Variants in SPATA31E1 observed in about 807,000 individuals in gnomAD.
SPATA31E1 encodes SPATA31 subfamily E member 1, also known as spermatogenesis-associated protein 31E1.
Under a neutral mutation model 12.9 loss-of-function variants are expected in SPATA31E1, and 7 were observed. The ratio of observed to expected loss-of-function variants is 0.54; its 90% CI spans 0.31 to 1.02. SPATA31E1 has a LOEUF of 1.02. Ranked by LOEUF, SPATA31E1 falls within the 50% of genes least tolerant of loss-of-function variation. The probability of loss-of-function intolerance (pLI) is 0.05; values close to 1 mark genes in which losing one functional copy is unlikely to be tolerated. For synonymous variants in SPATA31E1, 771 were observed against 719.0 expected (o/e 1.07, Z -1.16); for missense variants, 1,961 against 1,799.8 (o/e 1.09, Z -1.62).
At position 87,888,485 on chromosome 9, in the gene SPATA31E1, T is replaced by C; in HGVS notation, c.3998T>C (p.Leu1333Pro). 3 of 1,614,134 alleles carry C rather than the reference T, an allele frequency of 1.9e-6. No homozygotes were observed. The highest frequency in any genetic ancestry group is 2.5e-6 in the Non-Finnish European group (3 of 1,180,024). Reference protein sequence around the residue: ...VGQILVDKLGLQWGRGPSEVN... With the variant: ...VGQILVDKLGPQWGRGPSEVN... ...CAAATCCTGGTGGACAAACTGGGGCTTCAGTGGGGACGAGGTCCCTCAGAG... is the reference window on the plus strand; with the variant it reads ...CAAATCCTGGTGGACAAACTGGGGCCTCAGTGGGGACGAGGTCCCTCAGAG... The change falls in exon 4 of 4, where the codon CTT becomes CCT. Residue 1333 changes from leucine to proline, a missense_variant. Physicochemically the swap from Leu to Pro is moderately conservative, Grantham distance 98. Transcript: ENST00000325643.
In SPATA31E1 at chr9:87,886,345, A is replaced by C; in HGVS notation, c.1858A>C (p.Thr620Pro). The C allele has an allele frequency of 6.2e-7, 1 of 1,613,516 alleles. No individual in the cohort carries two copies. The highest frequency in any genetic ancestry group is 8.5e-7 in the Non-Finnish European group (1 of 1,179,874). ...KSAPILPGVVTSPELPEHWWQ... is the reference protein window; with the variant it reads ...KSAPILPGVVPSPELPEHWWQ... ...AGCCCCCATCCTTCCCGGGGTTGTC[A>C]CCAGCCCTGAGCTCCCAGAGCACTG... Residue 620 changes from threonine to proline, a missense_variant, in exon 4 of 4, where the codon ACC (threonine) becomes CCC (proline). Thr to Pro is a conservative substitution (Grantham distance 38, BLOSUM62 -1). Transcript: ENST00000325643.
At position 87,885,768 on chromosome 9, in the gene SPATA31E1, C is replaced by G; in HGVS notation, c.1281C>G (p.Thr427=). 1 of 1,614,012 alleles carries G rather than the reference C, an allele frequency of 6.2e-7. No homozygotes were observed. The highest frequency in any genetic ancestry group is 8.5e-7 in the Non-Finnish European group (1 of 1,180,034). ...CTCAGCAAGTCTCTGATGCCACAAC[C>G]GTGGGGAACCACTTACAGCAGAAAC... ...PRPQQVSDAT[T]VGNHLQQKRS... Residue 427 remains threonine, a synonymous_variant, in exon 4 of 4, where the codon ACC becomes ACG. Transcript: ENST00000325643.
chr9:87,888,630 C>A lies in SPATA31E1; in HGVS notation c.4143C>A (p.Ala1381=). ...EMRALACSPK[A]TPKGHHCPVK... ...GAGCTCTGGCCTGCAGCCCTAAAGC[C>A]ACCCCCAAGGGCCACCACTGTCCTG... Residue 1381 remains alanine (A), a synonymous_variant, in exon 4 of 4, where the codon GCC becomes GCA. Transcript: ENST00000325643. The A allele has an allele frequency of 6.2e-7, 1 of 1,614,090 alleles. No individual in the cohort carries two copies. The highest frequency in any genetic ancestry group is 8.5e-7 in the Non-Finnish European group (1 of 1,180,022).
In SPATA31E1 at chr9:87,888,874, C is replaced by G; in HGVS notation, c.*49C>G. ...CTCCTGGGGGAGACAGGGGGTTCTA[C>G]TCAAATAAAACTGATGCCTACACAA... On this transcript the variant is annotated 3_prime_UTR_variant, in exon 4 of 4. Transcript: ENST00000325643. 6.6e-7 allele frequency: 1 copy of G among 1,504,110 alleles called. No individual in the cohort carries two copies. Among genetic ancestry groups the G allele is most frequent in the Non-Finnish European group, 8.8e-7 (1 of 1,130,688 alleles). 93.2% of individuals were successfully genotyped at this position (1,504,110 alleles called of 1,614,324 possible). A position where few individuals can be genotyped will look rare whatever the true frequency, so the allele number is the denominator to read the frequency against.
At position 87,883,900 on chromosome 9, in the gene SPATA31E1, C is replaced by T. The variant is rs564957200; in HGVS notation, c.310-92C>T. The T allele has an allele frequency of 5.4e-5, 76 of 1,395,720 alleles. No individual in the cohort carries two copies. The African/African-American group carries it at 6.3e-4, about 12-fold the overall frequency. 86.5% of individuals were successfully genotyped at this position (1,395,720 alleles called of 1,614,324 possible). ...GCTCCCTGAGCTAGAGGCTGAGAGCCGTGTCCCTCATGAGCACTGCGTGTG... is the reference window on the plus strand; with the variant it reads ...GCTCCCTGAGCTAGAGGCTGAGAGCTGTGTCCCTCATGAGCACTGCGTGTG... On this transcript the variant is annotated intron_variant, in intron 1 of 3. Transcript: ENST00000325643.
rs1828238402 is a variant in SPATA31E1 at position 87,884,967 on chromosome 9, C to A, written c.480C>A (p.Asp160Glu). The A allele has an allele frequency of 6.8e-6, 11 of 1,613,966 alleles. No individual in the cohort carries two copies. In the East Asian group the frequency reaches 8.9e-5, roughly 13 times the overall value. Residue 160 changes from aspartate to glutamate, a missense_variant, in exon 4 of 4, where the codon GAC (aspartate) becomes GAA (glutamate). Physicochemically the swap from Asp to Glu is conservative, Grantham distance 45. Transcript: ENST00000325643. ...GCTCCCACCTGCCCTTAGGTGGAGA[C>A]CCCCTGGGGGACGTGTGTAAACCAG... ...EGSSHLPLGG[D>E]PLGDVCKPVP...
In SPATA31E1 at chr9:87,886,019, C is replaced by T; in HGVS notation, c.1532C>T (p.Pro511Leu). The change falls in exon 4 of 4, where the codon CCC becomes CTC. Residue 511 changes from proline (P) to leucine (L), a missense_variant. Coordinates refer to ENST00000325643, the MANE Select transcript of SPATA31E1 (RefSeq NM_178828.5). ...AQPQHFTPAW[P>L]QSQPPPLAEI... is the part of the protein sequence containing the mutation. ...CCCCAACATTTCACTCCAGCCTGGC[C>T]CCAGTCCCAGCCCCCACCTTTGGCT... 1 of 1,613,042 alleles carries T rather than the reference C, an allele frequency of 6.2e-7. No individual in the cohort carries two copies. The highest frequency in any genetic ancestry group is 8.5e-7 in the Non-Finnish European group (1 of 1,179,582).
At position 87,886,908 on chromosome 9, in the gene SPATA31E1, G is replaced by A. The variant is rs2117887534; in HGVS notation, c.2421G>A (p.Lys807=). ...CTGACACCCACAGGAAACCTGGGAAGCTGGCATCCTGGAGGGGTGGGAAAG... is the reference window on the plus strand; with the variant it reads ...CTGACACCCACAGGAAACCTGGGAAACTGGCATCCTGGAGGGGTGGGAAAG... The part of the protein sequence containing the change: ...PKSDTHRKPG[K]LASWRGGKAH... Residue 807 remains lysine (K), a synonymous_variant, in exon 4 of 4, where the codon AAG becomes AAA. Transcript: ENST00000325643. The A allele has an allele frequency of 6.2e-7, 1 of 1,614,110 alleles. No individual in the cohort carries two copies. Among genetic ancestry groups the A allele is most frequent in the Non-Finnish European group, 8.5e-7 (1 of 1,180,006 alleles).
At position 87,883,071 on chromosome 9, in the gene SPATA31E1, C is replaced by CT. The variant is rs751170770; in HGVS notation, c.181dup (p.Ser61PhefsTer29). ...CTAGTGCCACATGGCTGAGCCCTAGCTCCACTCCCTGGATGATGGATTTCA... is the reference window on the plus strand; with the variant it reads ...CTAGTGCCACATGGCTGAGCCCTAGCTTCCACTCCCTGGATGATGGATTTCA... On this transcript the variant is annotated frameshift_variant, in exon 1 of 4. Transcript: ENST00000325643. LOFTEE classifies it high-confidence loss of function. 6.2e-7 allele frequency: 1 copy of CT among 1,612,888 alleles called. No homozygotes were observed. The highest frequency in any genetic ancestry group is 8.5e-7 in the Non-Finnish European group (1 of 1,179,618).
chr9:87,886,381 A>G lies in SPATA31E1; in HGVS notation c.1894A>G (p.Arg632Gly). ...PELPEHWWQG[R>G]NAIHQEQSCG... is the part of the protein sequence containing the mutation. The stretch of plus-strand genomic sequence containing the variant: ...GCTCCCAGAGCACTGGTGGCAAGGA[A>G]GGAATGCCATCCACCAGGAGCAGTC... Residue 632 changes from arginine (R) to glycine (G), a missense_variant, in exon 4 of 4, where the codon AGG becomes GGG. Physicochemically the swap from Arg to Gly is moderately radical, Grantham distance 125 (BLOSUM62 -2). Transcript: ENST00000325643. 1 of 1,613,498 alleles carries G rather than the reference A, an allele frequency of 6.2e-7. No homozygotes were observed.
Position 87,886,388 on chromosome 9 carries a change from C to T in SPATA31E1, c.1901C>T (p.Ala634Val), listed in dbSNP as rs1163050450. 4 of 1,613,476 alleles carry T rather than the reference C, an allele frequency of 2.5e-6. No homozygotes were observed. In the East Asian group the frequency reaches 6.7e-5, roughly 27 times the overall value. ...LPEHWWQGRN[A>V]IHQEQSCGPP... ...GAGCACTGGTGGCAAGGAAGGAATG[C>T]CATCCACCAGGAGCAGTCCTGTGGC... is the stretch of plus-strand genomic sequence containing the variant. The change falls in exon 4 of 4, where the codon GCC becomes GTC. Residue 634 changes from alanine (A) to valine (V), a missense_variant. Ala to Val is a moderately conservative substitution (Grantham distance 64). Transcript: ENST00000325643.
Position 87,888,655 on chromosome 9 carries a change from G to T in SPATA31E1, c.4168G>T (p.Val1390Phe), listed in dbSNP as rs1463593723. Residue 1390 changes from valine to phenylalanine, a missense_variant, in exon 4 of 4, where the codon GTC becomes TTC. Transcript: ENST00000325643. ...CACCCCCAAGGGCCACCACTGTCCTGTCAAAAACAGGGGCATCAGAGACAG... is the reference window on the plus strand; with the variant it reads ...CACCCCCAAGGGCCACCACTGTCCTTTCAAAAACAGGGGCATCAGAGACAG... ...KATPKGHHCPVKNRGIRDRDS... is the reference protein window; with the variant it reads ...KATPKGHHCPFKNRGIRDRDS... 1 of 1,614,052 alleles carries T rather than the reference G, an allele frequency of 6.2e-7. No individual in the cohort carries two copies. Among genetic ancestry groups the T allele is most frequent in the East Asian group, 2.2e-5 (1 of 44,860 alleles).
At position 87,885,423 on chromosome 9, in the gene SPATA31E1, TGCCACCACCTGGGG is replaced by T. The variant is rs773929398; in HGVS notation, c.937_950del (p.Ala313ProfsTer43). 3 of 1,613,876 alleles carry T rather than the reference TGCCACCACCTGGGG, an allele frequency of 1.9e-6. No individual in the cohort carries two copies. The highest frequency in any genetic ancestry group is 2.5e-6 in the Non-Finnish European group (3 of 1,179,978). ...GGGACCTCTATTGCTGGAGGGAGGC[TGCCACCACCTGGGG>T]CCTCTCCACCTACTCACATGGCAAA... On this transcript the variant is annotated frameshift_variant, in exon 4 of 4. Coordinates refer to ENST00000325643, the MANE Select transcript of SPATA31E1 (RefSeq NM_178828.5). LOFTEE classifies it low-confidence loss of function (END_TRUNC).
rs1828336823 is a variant in SPATA31E1 at position 87,888,801 on chromosome 9, T to C, written c.4314T>C (p.Ser1438=). 6.2e-7 allele frequency: 1 copy of C among 1,607,966 alleles called. No individual in the cohort carries two copies. Among genetic ancestry groups the C allele is most frequent in the African/African-American group, 1.3e-5 (1 of 74,838 alleles). The change falls in exon 4 of 4, where the codon TCT becomes TCC. Residue 1438 remains serine (S), a synonymous_variant. Transcript: ENST00000325643. The stretch of plus-strand genomic sequence containing the variant: ...ATCCACAGCTGCAGGAACTGATGTC[T>C]GCACAGAGGTGTCTTGCCTCCTGAA... ...GPHPQLQELM[S]AQRCLAS is the part of the protein sequence containing the mutation.
Position 87,886,435 on chromosome 9 carries a change from TC to T in SPATA31E1, c.1949del (p.Ser650LeufsTer59). 1.2e-6 allele frequency: 2 copies of T among 1,613,938 alleles called. No individual in the cohort carries two copies. Among genetic ancestry groups the T allele is most frequent in the Non-Finnish European group, 1.7e-6 (2 of 1,179,978 alleles). On this transcript the variant is annotated frameshift_variant, in exon 4 of 4. Transcript: ENST00000325643. LOFTEE classifies it low-confidence loss of function (END_TRUNC). ...SCGPPSRLQA[S>X]GDLLQPDGEF... ...TGGCCCTCCCAGCAGATTGCAGGCA[TC>T]TGGGGACCTGCTACAGCCTGATGGG...
chr9:87,884,830 C>G (rs71510235), intron 3 of SPATA31E1, 83 bp from the exon 4 acceptor site: 36,480 of 1,493,154 alleles, frequency 0.024, 874 homozygotes, highest in African/African-American at 0.092. Context: ...GGTGGAGGAA[C>G]CGGGGGCCCC....
chr9:87,884,976 G>T lies in SPATA31E1; in HGVS notation c.489G>T (p.Gly163=). The change falls in exon 4 of 4, where the codon GGG becomes GGT. Residue 163 remains glycine, a synonymous_variant. Coordinates refer to ENST00000325643, the MANE Select transcript of SPATA31E1 (RefSeq NM_178828.5). ...TGCCCTTAGGTGGAGACCCCCTGGGGGACGTGTGTAAACCAGTGCCTGCTA... is the reference window on the plus strand; with the variant it reads ...TGCCCTTAGGTGGAGACCCCCTGGGTGACGTGTGTAAACCAGTGCCTGCTA... ...SHLPLGGDPL[G]DVCKPVPAKA... 6.2e-7 allele frequency: 1 copy of T among 1,614,062 alleles called. No individual in the cohort carries two copies. Among genetic ancestry groups the T allele is most frequent in the East Asian group, 2.2e-5 (1 of 44,862 alleles).
At position 87,884,922 on chromosome 9, in the gene SPATA31E1, G is replaced by A. The variant is rs557271460; in HGVS notation, c.435G>A (p.Arg145=). 40 of 1,606,452 alleles carry A rather than the reference G, an allele frequency of 2.5e-5. No homozygotes were observed. The Middle Eastern group carries it at 5.0e-4, about 20-fold the overall frequency. The change falls in exon 4 of 4, where the codon AGG becomes AGA. Residue 145 remains arginine (R), a synonymous_variant. Coordinates refer to ENST00000325643, the MANE Select transcript of SPATA31E1 (RefSeq NM_178828.5). ...CTCTTGTCTCCTGCAGCCACCTGAG[G>A]AAGCTCGCTGGCGAAGGCAGCTCCC... ...DLNYLLESHL[R]KLAGEGSSHL... is the part of the protein sequence containing the mutation.
intron 3 of SPATA31E1, 116 bp downstream of exon 3, chr9:87,884,767 C>A: frequency 6.7e-7 from 1 of 1,496,252 alleles, no homozygotes; most frequent in Non-Finnish European, 9.2e-7. Context: ...CAGGAGGGGA[C>A]TGAAGCCCTG....
Sources: allele counts gnomAD v4.1 joint callset, GRCh38; gene constraint gnomAD v4.1.1; transcripts MANE v1.5; gene names NCBI Gene and HGNC (gene_info 2026-07-23, HGNC 2026-07-21).